The following LPCAT3 variants were observed in gnomAD, a reference collection of about 807,000 sequenced individuals.
The protein encoded by LPCAT3 is lysophosphatidylcholine acyltransferase 3, also known as lysophospholipid acyltransferase 5.
In LPCAT3, 21 loss-of-function variants were observed where a neutral mutation model predicts 63.4. The observed-to-expected ratio is 0.33, with a 90% CI of 0.23 to 0.48. LPCAT3 has a LOEUF of 0.48. Among genes scored for constraint, LPCAT3 ranks in the 20% least tolerant of loss-of-function variants. The pLI is 0.99. For synonymous variants in LPCAT3, 242 were observed against 227.5 expected (o/e 1.06, Z -0.58); for missense variants, 451 against 590.6 (o/e 0.76, Z 2.45).
chr12:7,010,580 T>C (rs1454571349), intron 1 of LPCAT3, among the ~76,000 whole-genome samples: 1 of 152,202 alleles, frequency 6.6e-6, no homozygotes, highest in Admixed American at 6.6e-5. Flanking sequence ...CATGCCCAGC[T>C]AATGCAAATA....
At chr12:6,983,624 C>G in intron 1 of LPCAT3, 85 bp from the exon 2 acceptor site, 1 of 809,564 alleles carries the variant, frequency 1.2e-6, no homozygotes, top group Non-Finnish European at 2.1e-6. Flanking sequence ...GCATGAAACG[C>G]AGCCCAGAGG....
chr12:6,984,469 G>C (rs1946502283), intron 1 of LPCAT3, among the ~76,000 whole-genome samples: 1 of 152,242 alleles, frequency 6.6e-6, no homozygotes. Flanking sequence ...CACTGCACTA[G>C]TGCATATGTG....
intron 1 of LPCAT3, among the ~76,000 whole-genome samples, chr12:6,997,745 C>T (rs1409669258): frequency 1.3e-5 from 2 of 151,968 alleles, no homozygotes; most frequent in African/African-American, 2.4e-5. Context: ...CGCCACCACA[C>T]GGGGCTAATT....
intron 1 of LPCAT3, among the ~76,000 whole-genome samples, chr12:6,995,977 C>T (rs1946632748): frequency 6.6e-6 from 1 of 152,166 alleles, no homozygotes; most frequent in Non-Finnish European, 1.5e-5. Context: ...TCAGTCTAGC[C>T]TTAATGAAGC....
intron 4 of LPCAT3, 46 bp downstream of exon 4, chr12:6,981,765 G>C: frequency 6.6e-7 from 1 of 1,524,458 alleles, no homozygotes; most frequent in Non-Finnish European, 9.1e-7. Context: ...AGTGAGATGG[G>C]GGAGGGACCT....
rs868942352 is a variant in LPCAT3, at chr12:7,018,198, G to A, written c.151+76C>T. ...CCTCCCGGGTGGCTCCGGGAAGAGA[G>A]GGAGGTCCTGTCCCCATTCCTCCCC... On this transcript the variant is annotated intron_variant, in intron 1 of 12. Coordinates refer to ENST00000261407, the MANE Select transcript of LPCAT3 (RefSeq NM_005768.6). The surrounding 1 kb of genome is among the most constrained non-coding windows in gnomAD (Gnocchi z 4.9). 3 of 1,529,606 alleles carry A rather than the reference G, an allele frequency of 2.0e-6. No individual in the cohort carries two copies. Among genetic ancestry groups the A allele is most frequent in the Non-Finnish European group, 2.7e-6 (3 of 1,128,348 alleles). 94.8% of individuals were successfully genotyped at this position (1,529,606 alleles called of 1,614,324 possible). A position where few individuals can be genotyped will look rare whatever the true frequency, so the allele number is the denominator to read the frequency against.
At chr12:6,990,803 GC>G (rs1168383516) in intron 1 of LPCAT3, among the ~76,000 whole-genome samples, 2 of 150,666 alleles carry the variant, frequency 1.3e-5, no homozygotes, top group Admixed American at 1.3e-4. Context: ...TGTGATCCCA[GC>G]TACTTGGGAG....
At chr12:6,981,259 T>A (rs1804296198) in intron 5 of LPCAT3, 77 bp from the exon 6 acceptor site, 2 of 1,196,608 alleles carry the variant, frequency 1.7e-6, no homozygotes, top group Admixed American at 4.5e-5. Flanking sequence ...GTTCCCCACC[T>A]GTGTGCCCCA....
intron 1 of LPCAT3, chr12:6,997,415 G>A (rs1946646791): frequency 6.6e-6 from 1 of 151,314 alleles, no homozygotes; most frequent in Non-Finnish European, 1.4e-5. Context: ...GTGTGTGTGT[G>A]TGTGTGTGTG....
intron 1 of LPCAT3, among the ~76,000 whole-genome samples, chr12:7,003,300 G>GTACAA (rs1203103023): frequency 1.3e-5 from 2 of 150,602 alleles, no homozygotes; most frequent in East Asian, 3.9e-4. Context: ...AGGCAATGTA[G>GTACAA]TACAAAAAGC....
At chr12:7,014,722 C>T (rs1481881091) in intron 1 of LPCAT3, among the ~76,000 whole-genome samples, 2 of 151,896 alleles carry the variant, frequency 1.3e-5, no homozygotes, top group Non-Finnish European at 2.9e-5. Flanking sequence ...TGGTGAAACC[C>T]CGTCTCTACT....
chr12:6,993,161 C>T (rs782037429), intron 1 of LPCAT3, among the ~76,000 whole-genome samples: 16 of 152,012 alleles, frequency 1.1e-4, no homozygotes, highest in Admixed American at 2.0e-4. Context: ...AGGTTGTCGC[C>T]GGGCATGGTG....
intron 1 of LPCAT3, among the ~76,000 whole-genome samples, chr12:7,013,415 G>A (rs1555157364): frequency 6.6e-6 from 1 of 152,230 alleles, no homozygotes; most frequent in Non-Finnish European, 1.5e-5. Flanking sequence ...TTGGAGAGTG[G>A]ACTGAGGGGG....
chr12:6,989,434 C>A (rs1326402845), intron 1 of LPCAT3, among the ~76,000 whole-genome samples: 2 of 151,458 alleles, frequency 1.3e-5, no homozygotes. Context: ...CTCAGCCTCT[C>A]CGAGTAGCTG....
At chr12:7,003,640 C>A (rs1205070141) in intron 1 of LPCAT3, among the ~76,000 whole-genome samples, 2 of 152,016 alleles carry the variant, frequency 1.3e-5, no homozygotes, top group Non-Finnish European at 2.9e-5. Flanking sequence ...ACCTAGGATG[C>A]GGCCGGGCGC....
intron 1 of LPCAT3, among the ~76,000 whole-genome samples, chr12:7,014,198 C>A (rs1203208034): frequency 6.6e-6 from 1 of 152,228 alleles, no homozygotes; most frequent in Non-Finnish European, 1.5e-5. Flanking sequence ...TTATCTCAGG[C>A]CCATTTCCTA....
At chr12:7,000,649 G>C (rs1190509656) in intron 1 of LPCAT3, among the ~76,000 whole-genome samples, 1 of 150,920 alleles carries the variant, frequency 6.6e-6, no homozygotes, top group South Asian at 2.1e-4. Flanking sequence ...CTTCCTTCAG[G>C]CCACTTAAAA....
At chr12:7,001,399 C>T (rs1389455730) in intron 1 of LPCAT3, 1 of 455,700 alleles carries the variant, frequency 2.2e-6, no homozygotes, top group Non-Finnish European at 4.4e-6. Context: ...AAATAATCAA[C>T]CACCACCCCA....
intron 1 of LPCAT3, among the ~76,000 whole-genome samples, chr12:7,007,864 T>C (rs1946738226): frequency 1.3e-5 from 2 of 152,222 alleles, no homozygotes; most frequent in South Asian, 2.1e-4. Context: ...AATAGCCTAC[T>C]TGATGACTTC....
Sources: allele counts gnomAD v4.1 joint callset (sites outside exome capture counted in the v4.1 genomes callset), GRCh38; gene constraint gnomAD v4.1.1; non-coding constraint Gnocchi (gnomAD v3.1); transcripts MANE v1.5; gene names NCBI Gene and HGNC (gene_info 2026-07-23, HGNC 2026-07-21).